Variants in MRPS21 observed in about 807,000 individuals in gnomAD.
The protein encoded by MRPS21 is mitochondrial ribosomal protein S21.
Under a neutral mutation model 9.9 loss-of-function variants are expected in MRPS21, and 8 were observed. The observed-to-expected ratio is 0.81, with a 90% CI of 0.47 to 1.45. MRPS21 has a LOEUF of 1.45. MRPS21 is among the 40% of genes most tolerant of loss of function. The probability of loss-of-function intolerance (pLI) is 0.00; values close to 1 mark genes in which losing one functional copy is unlikely to be tolerated. For missense variants in MRPS21, 101 were observed against 118.9 expected (o/e 0.85, Z 0.70); for synonymous variants, 40 against 40.3 (o/e 0.99, Z 0.03).
In MRPS21 at chr1:150,294,332, T is replaced by G; in HGVS notation, c.-32-3T>G. The G allele has an allele frequency of 6.4e-7, 1 of 1,567,316 alleles. No homozygotes were observed. The highest frequency in any genetic ancestry group is 8.8e-7 in the Non-Finnish European group (1 of 1,139,244). On this transcript the variant is annotated splice_region_variant and splice_polypyrimidine_tract_variant and intron_variant, in intron 1 of 2. Coordinates refer to ENST00000614145, the MANE Select transcript of MRPS21 (RefSeq NM_031901.6). ...TCCTCGCCCTTTCTCCATCATCCTT[T>G]AGGCTCTACAGAGTGAAGGTTTAAA...
intron 2 of MRPS21, among the ~76,000 whole-genome samples, chr1:150,306,841 A>G (rs181559540): frequency 6.6e-6 from 1 of 152,116 alleles, no homozygotes; most frequent in African/African-American, 2.4e-5. Flanking sequence ...ACCCCTAGTG[A>G]TTCTGTTCTT....
At position 150,308,290 on chromosome 1, in the gene MRPS21, T is replaced by C; in HGVS notation, c.*62T>C. ...CCAGTTTTCTCTCCATCTCTTTTCTTTGTACAATCCCATTTCCTATTACCA... is the reference window on the plus strand; with the variant it reads ...CCAGTTTTCTCTCCATCTCTTTTCTCTGTACAATCCCATTTCCTATTACCA... On this transcript the variant is annotated 3_prime_UTR_variant, in exon 3 of 3. Transcript: ENST00000614145. 24 of 1,508,044 alleles carry C rather than the reference T, an allele frequency of 1.6e-5. No individual in the cohort carries two copies. The highest frequency in any genetic ancestry group is 2.2e-5 in the Non-Finnish European group (24 of 1,105,886). The allele number at this position is 1,508,044 out of a possible 1,614,324, so 93.4% of individuals were successfully genotyped here. A position where few individuals can be genotyped will look rare whatever the true frequency, so the allele number is the denominator to read the frequency against.
intron 2 of MRPS21, among the ~76,000 whole-genome samples, chr1:150,301,941 G>T (rs1291606250): frequency 1.3e-5 from 2 of 152,174 alleles, no homozygotes; most frequent in Non-Finnish European, 2.9e-5. Flanking sequence ...GCTTGCATAC[G>T]TGAGCAGACT....
intron 2 of MRPS21, chr1:150,304,109 G>T (rs1553858090): frequency 2.6e-6 from 1 of 388,136 alleles, no homozygotes; most frequent in Non-Finnish European, 5.2e-6. Flanking sequence ...TCAGGAGTTT[G>T]AGACCAGCCT....
chr1:150,307,816 T>C (rs1654398388), intron 2 of MRPS21, among the ~76,000 whole-genome samples: 1 of 152,152 alleles, frequency 6.6e-6, no homozygotes, highest in Admixed American at 6.5e-5. Context: ...CTGGGCTCAA[T>C]CTGCTCACCT....
chr1:150,299,182 A>G (rs1316526211), intron 2 of MRPS21, among the ~76,000 whole-genome samples: 3 of 152,172 alleles, frequency 2.0e-5, no homozygotes, highest in African/African-American at 7.2e-5. Flanking sequence ...CATATATGGA[A>G]TGCATCCCCA....
At chr1:150,305,013 TG>T in intron 2 of MRPS21, 1 of 401,492 alleles carries the variant, frequency 2.5e-6, no homozygotes, top group South Asian at 1.8e-5. Context: ...CACTCCAGCC[TG>T]GGCAACAAGT....
At chr1:150,306,802 C>T (rs1441157935) in intron 2 of MRPS21, among the ~76,000 whole-genome samples, 1 of 152,086 alleles carries the variant, frequency 6.6e-6, no homozygotes, top group African/African-American at 2.4e-5. Flanking sequence ...CAGGATGGAA[C>T]TTTAAGTAAG....
chr1:150,294,028 A>G (rs894608332), intron 1 of MRPS21, 130 bp downstream of exon 1: 31 of 281,040 alleles, frequency 1.1e-4, no homozygotes, highest in Non-Finnish European at 2.0e-4. Context: ...CCCCTTTTGG[A>G]ACTATGTGTG....
chr1:150,301,752 C>A (rs1288615308), intron 2 of MRPS21, among the ~76,000 whole-genome samples: 2 of 151,888 alleles, frequency 1.3e-5, no homozygotes, highest in Non-Finnish European at 2.9e-5. Flanking sequence ...ATTACAGGCA[C>A]CTGCCACCAC....
In MRPS21 at chr1:150,294,449, G is replaced by C. The variant is rs1653840189; in HGVS notation, c.83G>C (p.Arg28Thr). The change falls in exon 2 of 3, where the codon AGA becomes ACA. Residue 28 changes from arginine to threonine, a missense_variant and splice_region_variant. By Grantham distance (71) the Arg-to-Thr change is moderately conservative (BLOSUM62 -1). Coordinates refer to ENST00000614145, the MANE Select transcript of MRPS21 (RefSeq NM_031901.6). Reference sequence around the variant, plus strand: ...GAAAGCGCATACAGGACCCTAAACAGGTAACTGTTAAGGGACCAGAATCAT... The same window carrying C: ...GAAAGCGCATACAGGACCCTAAACACGTAACTGTTAAGGGACCAGAATCAT... Reference protein sequence around the residue: ...NVESAYRTLNRILTMDGLIED... With the variant: ...NVESAYRTLNTILTMDGLIED... 4 of 1,610,848 alleles carry C rather than the reference G, an allele frequency of 2.5e-6. No homozygotes were observed. Among genetic ancestry groups the C allele is most frequent in the Non-Finnish European group, 3.4e-6 (4 of 1,177,220 alleles).
chr1:150,307,467 C>T (rs1654384189), intron 2 of MRPS21, among the ~76,000 whole-genome samples: 1 of 151,476 alleles, frequency 6.6e-6, no homozygotes, highest in Non-Finnish European at 1.5e-5. Flanking sequence ...AATTGATCCT[C>T]CCACCTCAGC....
chr1:150,308,365 T>C lies in MRPS21; in HGVS notation c.*137T>C, dbSNP rs1256794032. The C allele has an allele frequency of 1.8e-5, 15 of 853,126 alleles. No individual in the cohort carries two copies. Among genetic ancestry groups the C allele is most frequent in the Non-Finnish European group, 2.4e-5 (14 of 575,082 alleles). The allele number at this position is 853,126 out of a possible 1,614,324, so 52.8% of individuals were successfully genotyped here. The stretch of plus-strand genomic sequence containing the variant: ...ATGTCTGCAAGAAGGCCTCCAAATA[T>C]AGAAACAATCCCATTAGTCAGCAGT... On this transcript the variant is annotated 3_prime_UTR_variant, in exon 3 of 3. Coordinates refer to ENST00000614145, the MANE Select transcript of MRPS21 (RefSeq NM_031901.6).
chr1:150,307,754 A>T (rs1251085813), intron 2 of MRPS21, among the ~76,000 whole-genome samples: 4 of 151,720 alleles, frequency 2.6e-5, no homozygotes, highest in African/African-American at 9.7e-5. Flanking sequence ...AATTATTTTT[A>T]TTTTTTGTAG....
At chr1:150,301,354 C>T (rs1351315317) in intron 2 of MRPS21, 10 of 285,762 alleles carry the variant, frequency 3.5e-5, no homozygotes, top group African/African-American at 7.0e-5. Flanking sequence ...AAAAATTAGC[C>T]GGACATGGTG....
intron 2 of MRPS21, chr1:150,304,769 A>AAAAG (rs1365469592): frequency 5.9e-6 from 1 of 170,362 alleles, no homozygotes; most frequent in Non-Finnish European, 1.2e-5. Context: ...AAAAAAAAAA[A>AAAAG]GGCCGGTTGC....
intron 1 of MRPS21, 92 bp from the exon 2 acceptor site, chr1:150,294,243 A>C: frequency 1.2e-6 from 1 of 833,066 alleles, no homozygotes; most frequent in Non-Finnish European, 2.0e-6. Context: ...AGCATGTTGA[A>C]TTTCCAAATC....
chr1:150,297,653 A>G (rs77069531), intron 2 of MRPS21, among the ~76,000 whole-genome samples: 2 of 113,878 alleles, frequency 1.8e-5, no homozygotes, highest in East Asian at 5.6e-4. Context: ...TCTGGGCCAC[A>G]GAGTAAGACT....
At chr1:150,298,028 T>C (rs1266378110) in intron 2 of MRPS21, among the ~76,000 whole-genome samples, 2 of 151,910 alleles carry the variant, frequency 1.3e-5, no homozygotes, top group East Asian at 1.9e-4. Flanking sequence ...CTGCCGCCCA[T>C]GTTCAAGCGT....
Sources: allele counts gnomAD v4.1 joint callset (sites outside exome capture counted in the v4.1 genomes callset), GRCh38; gene constraint gnomAD v4.1.1; transcripts MANE v1.5; gene names NCBI Gene and HGNC (gene_info 2026-07-23, HGNC 2026-07-21).